The following CSMD1 variants were observed in gnomAD, a reference collection of about 807,000 sequenced individuals.
CSMD1 encodes the protein CUB and Sushi multiple domains 1.
Under a neutral mutation model 417.5 loss-of-function variants are expected in CSMD1, and 213 were observed. The observed-to-expected ratio is 0.51, with a 90% CI of 0.46 to 0.57. The LOEUF is 0.57. Among genes scored for constraint, CSMD1 ranks in the 20% least tolerant of loss-of-function variants. CSMD1 has a pLI of 0.00. For synonymous variants in CSMD1, 2,862 were observed against 1,736.8 expected (o/e 1.65, Z -16.11); for missense variants, 6,923 against 4,529.7 (o/e 1.53, Z -15.17).
chr8:4,850,884 T>C (rs977660188), intron 1 of CSMD1, among the ~76,000 whole-genome samples: 10 of 152,090 alleles, frequency 6.6e-5, no homozygotes, highest in Admixed American at 6.5e-5. Flanking sequence ...TGAACCTTTA[T>C]GCATTGAAGA....
chr8:4,130,015 G>T (rs1443254455), intron 3 of CSMD1, among the ~76,000 whole-genome samples: 2 of 151,910 alleles, frequency 1.3e-5, no homozygotes, highest in Non-Finnish European at 2.9e-5. Flanking sequence ...TGCCTTTCTT[G>T]TCAGAAGATT....
At chr8:4,524,442 T>C (rs780219634) in intron 2 of CSMD1, among the ~76,000 whole-genome samples, 4 of 152,176 alleles carry the variant, frequency 2.6e-5, no homozygotes, top group Non-Finnish European at 4.4e-5. Flanking sequence ...TAGTAGGTGA[T>C]GCTTGTGGCT....
Position 4,288,968 on chromosome 8 carries a change from G to A in CSMD1, c.415+130985C>T, listed in dbSNP as rs1037036990. ...ATAGTGTGGCAGCTGTAAAAATGGT[G>A]ATACGTGCATAAAAATAATTTAAAA... is the stretch of plus-strand genomic sequence containing the variant. On this transcript the variant is annotated intron_variant, in intron 3 of 69. Transcript: ENST00000635120. Among the ~76,000 whole-genome samples, 3 of 152,238 alleles carry A rather than the reference G, an allele frequency of 2.0e-5. No individual in the cohort carries two copies. The South Asian group carries it at 6.2e-4, about 32-fold the overall frequency.
At chr8:3,759,562 G>A (rs1162875145) in intron 5 of CSMD1, among the ~76,000 whole-genome samples, 1 of 151,888 alleles carries the variant, frequency 6.6e-6, no homozygotes, top group Non-Finnish European at 1.5e-5. Context: ...TGGAAAATGG[G>A]CATGAACAGA....
chr8:4,637,085 C>T (rs1196795164), intron 2 of CSMD1, among the ~76,000 whole-genome samples: 5 of 152,116 alleles, frequency 3.3e-5, no homozygotes, highest in Non-Finnish European at 7.3e-5. Flanking sequence ...GTTGGTCTCC[C>T]TTGCTGTGCT....
chr8:3,448,337 G>GAGAGAGGGAAGGAAGGAAGGAAGGAAGA (rs1815445051), intron 12 of CSMD1, among the ~76,000 whole-genome samples: 1 of 72,790 alleles, frequency 1.4e-5, no homozygotes, highest in African/African-American at 6.4e-5. Flanking sequence ...GCAAGGGAGG[G>GAGAGAGGGAAGGAAGGAAGGAAGGAAGA]AGGGAGGGAG....
intron 1 of CSMD1, among the ~76,000 whole-genome samples, chr8:4,712,387 T>C (rs958703297): frequency 2.0e-4 from 30 of 152,170 alleles, no homozygotes; most frequent in Non-Finnish European, 4.4e-5. Flanking sequence ...AACTGTCTAA[T>C]AATCTGTAGG....
intron 1 of CSMD1, among the ~76,000 whole-genome samples, chr8:4,870,605 T>A (rs997208767): frequency 1.3e-5 from 2 of 152,108 alleles, no homozygotes; most frequent in Admixed American, 1.3e-4. Context: ...GCTTTCAGTG[T>A]GGATACTTTA....
chr8:4,724,463 A>G (rs927230433), intron 1 of CSMD1, among the ~76,000 whole-genome samples: 29 of 151,970 alleles, frequency 1.9e-4, no homozygotes, highest in African/African-American at 6.5e-4. Flanking sequence ...TACATTACTT[A>G]TAAGTAGCTG....
intron 5 of CSMD1, among the ~76,000 whole-genome samples, chr8:3,811,490 C>T (rs1247706298): frequency 6.6e-6 from 1 of 152,030 alleles, no homozygotes; most frequent in African/African-American, 2.4e-5. Context: ...CAACCGAGTG[C>T]CTGTTGAGAG....
chr8:3,532,601 G>C (rs1203340824), intron 10 of CSMD1, among the ~76,000 whole-genome samples: 1 of 152,122 alleles, frequency 6.6e-6, no homozygotes, highest in African/African-American at 2.4e-5. Flanking sequence ...ATGCCGTTTG[G>C]TGTTATTGTA....
intron 1 of CSMD1, among the ~76,000 whole-genome samples, chr8:4,899,421 A>C (rs967419421): frequency 5.3e-5 from 8 of 152,330 alleles, no homozygotes; most frequent in African/African-American, 1.9e-4. Context: ...TCTCCCAGGA[A>C]GTATTTTAGG....
chr8:2,941,995 T>G (rs1421334742), intron 69 of CSMD1, among the ~76,000 whole-genome samples: 4 of 152,226 alleles, frequency 2.6e-5, no homozygotes, highest in African/African-American at 9.6e-5. Flanking sequence ...TTTATTCTCT[T>G]ATTTCTTAGA....
At chr8:3,206,695 TG>T (rs142157199) in intron 30 of CSMD1, among the ~76,000 whole-genome samples, 1,687 of 139,956 alleles carry the variant, frequency 0.012, 23 homozygotes, top group African/African-American at 0.021. Flanking sequence ...TATGTGTGTG[TG>T]GGGGGTTATG....
At chr8:4,619,193 G>A (rs1477939328) in intron 2 of CSMD1, among the ~76,000 whole-genome samples, 1 of 152,088 alleles carries the variant, frequency 6.6e-6, no homozygotes, top group Non-Finnish European at 1.5e-5. Flanking sequence ...TGGGCAGAAT[G>A]TCTACATTTT....
intron 1 of CSMD1, among the ~76,000 whole-genome samples, chr8:4,870,351 A>G (rs1392780923): frequency 6.6e-6 from 1 of 152,136 alleles, no homozygotes; most frequent in African/African-American, 2.4e-5. Flanking sequence ...ATTTTTATGC[A>G]CTGCTATTTA....
chr8:4,408,454 C>T (rs562613255), intron 3 of CSMD1, among the ~76,000 whole-genome samples: 2 of 152,320 alleles, frequency 1.3e-5, no homozygotes, highest in East Asian at 1.9e-4. Context: ...ATACAAATAA[C>T]TGCATGAATT....
At chr8:3,776,091 T>C (rs1798871435) in intron 5 of CSMD1, among the ~76,000 whole-genome samples, 1 of 152,100 alleles carries the variant, frequency 6.6e-6, no homozygotes, top group African/African-American at 2.4e-5. Context: ...ATCTACTCTT[T>C]CCCCATCCTC....
At chr8:4,631,218 C>G (rs1802490691) in intron 2 of CSMD1, among the ~76,000 whole-genome samples, 2 of 151,814 alleles carry the variant, frequency 1.3e-5, no homozygotes, top group South Asian at 4.1e-4. Flanking sequence ...AAAAATTAGC[C>G]AGGAGTGGTG....
Sources: allele counts gnomAD v4.1 joint callset (sites outside exome capture counted in the v4.1 genomes callset), GRCh38; gene constraint gnomAD v4.1.1; transcripts MANE v1.5; gene names NCBI Gene and HGNC (gene_info 2026-07-23, HGNC 2026-07-21).